Variants in USP34 observed in about 807,000 individuals in gnomAD.
The protein encoded by USP34 is ubiquitin specific peptidase 34, also known as ubiquitin carboxyl-terminal hydrolase 34.
Under a neutral mutation model 460.3 loss-of-function variants are expected in USP34, and 70 were observed. The observed-to-expected ratio is 0.15, with a 90% CI of 0.13 to 0.19. The LOEUF (loss-of-function observed/expected upper bound fraction) is 0.19, where lower values mean the gene tolerates loss of function less well. Ranked by LOEUF, USP34 falls within the 10% of genes least tolerant of loss-of-function variation. The probability of loss-of-function intolerance (pLI) is 1.00; values close to 1 mark genes in which losing one functional copy is unlikely to be tolerated. For synonymous variants in USP34, 1,647 were observed against 1,405.3 expected (o/e 1.17, Z -3.85); for missense variants, 3,985 against 4,236.2 (o/e 0.94, Z 1.65).
At chr2:61,220,974 TA>T (rs11314499) in intron 66 of USP34, among the ~76,000 whole-genome samples, 84,494 of 151,980 alleles carry the variant, frequency 0.56, 24,841 homozygotes, top group African/African-American at 0.76. Flanking sequence ...AACACACCCA[TA>T]ACCCACTCAT....
intron 2 of USP34, among the ~76,000 whole-genome samples, chr2:61,408,798 C>T (rs1004346148): frequency 2.0e-5 from 3 of 152,184 alleles, no homozygotes; most frequent in African/African-American, 4.8e-5. Context: ...GAGGCTGAGG[C>T]AGGAGAGTCA....
intron 1 of USP34, among the ~76,000 whole-genome samples, chr2:61,438,522 C>G (rs1262493690): frequency 6.6e-6 from 1 of 152,022 alleles, no homozygotes; most frequent in East Asian, 1.9e-4. Flanking sequence ...ACTGCTTGAA[C>G]CTGGGAGGCA....
intron 18 of USP34, among the ~76,000 whole-genome samples, chr2:61,335,334 AG>A (rs2103740726): frequency 6.6e-6 from 1 of 152,352 alleles, no homozygotes; most frequent in South Asian, 2.1e-4. Context: ...AAAGCATAAA[AG>A]GGAAGTGTTA....
At chr2:61,264,365 T>A (rs1490302239) in intron 43 of USP34, among the ~76,000 whole-genome samples, 1 of 152,164 alleles carries the variant, frequency 6.6e-6, no homozygotes, top group Admixed American at 6.5e-5. Flanking sequence ...CCAGGCTTGG[T>A]AGCTTTATAC....
chr2:61,447,279 A>AAAG (rs1295463184), intron 1 of USP34, among the ~76,000 whole-genome samples: 6 of 150,116 alleles, frequency 4.0e-5, no homozygotes, highest in Non-Finnish European at 7.4e-5. Context: ...AAAAAAAAAA[A>AAAG]AAACCAGAAA....
intron 8 of USP34, among the ~76,000 whole-genome samples, chr2:61,372,487 G>C (rs1692656931): frequency 6.6e-6 from 1 of 152,140 alleles, no homozygotes; most frequent in Non-Finnish European, 1.5e-5. Context: ...CTAGCACTTT[G>C]GGAGACTGAG....
At chr2:61,220,556 CTTTT>C (rs932652431) in intron 66 of USP34, 99 bp from the exon 67 acceptor site, 11 of 1,149,018 alleles carry the variant, frequency 9.6e-6, no homozygotes, top group Non-Finnish European at 1.3e-5. Context: ...AGCTAAAGTA[CTTTT>C]TTGACAATTA....
intron 1 of USP34, among the ~76,000 whole-genome samples, chr2:61,440,446 G>C (rs999884621): frequency 6.6e-6 from 1 of 152,076 alleles, no homozygotes; most frequent in Admixed American, 6.6e-5. Context: ...GAAGGAACTT[G>C]CTCTGCTGCA....
rs1215642220 is a variant in USP34 at position 61,470,949 on chromosome 2, G to C, written c.-257C>G. Among the ~76,000 whole-genome samples, 8 of 137,134 alleles carry C rather than the reference G, an allele frequency of 5.8e-5. No homozygotes were observed. The highest frequency in any genetic ancestry group is 1.1e-4 in the Non-Finnish European group (7 of 61,982). The allele number at this position is 137,134 out of a possible 152,430, so 90.0% of individuals were successfully genotyped here. A position where few individuals can be genotyped will look rare whatever the true frequency, so the allele number is the denominator to read the frequency against. ...GGAGGGGCGCCGAGGCGCCGGCGGC[G>C]GGGAAGGGGGGGAAGGACGGGGGGA... On this transcript the variant is annotated 5_prime_UTR_variant, in exon 1 of 80. Coordinates refer to ENST00000398571, the MANE Select transcript of USP34 (RefSeq NM_014709.4).
chr2:61,456,635 G>A (rs977097450), intron 1 of USP34, among the ~76,000 whole-genome samples: 3 of 151,372 alleles, frequency 2.0e-5, no homozygotes, highest in African/African-American at 7.3e-5. Context: ...TGGGAAACAT[G>A]GTGAAACCCC....
chr2:61,423,641 G>A (rs1370681341), intron 1 of USP34, among the ~76,000 whole-genome samples: 1 of 152,108 alleles, frequency 6.6e-6, no homozygotes, highest in Non-Finnish European at 1.5e-5. Context: ...TGAATTAAAA[G>A]CAATCACTAT....
chr2:61,388,254 A>G (rs2103884549), intron 5 of USP34, among the ~76,000 whole-genome samples: 1 of 152,190 alleles, frequency 6.6e-6, no homozygotes, highest in East Asian at 1.9e-4. Flanking sequence ...AAAAAATAAT[A>G]AAATCACAAT....
intron 18 of USP34, among the ~76,000 whole-genome samples, chr2:61,338,029 G>T (rs926851904): frequency 3.9e-5 from 6 of 152,128 alleles, no homozygotes; most frequent in African/African-American, 1.4e-4. Flanking sequence ...TATTTTCAAA[G>T]AATATATACC....
intron 29 of USP34, among the ~76,000 whole-genome samples, chr2:61,297,236 A>C (rs1690056781): frequency 6.6e-6 from 1 of 152,228 alleles, no homozygotes; most frequent in South Asian, 2.1e-4. Flanking sequence ...AACAAATTTC[A>C]ATATGACAAT....
At chr2:61,449,897 C>A (rs999085623) in intron 1 of USP34, among the ~76,000 whole-genome samples, 4 of 152,002 alleles carry the variant, frequency 2.6e-5, no homozygotes, top group African/African-American at 9.7e-5. Context: ...GAAACCCCGT[C>A]TCTACTAAAA....
intron 27 of USP34, among the ~76,000 whole-genome samples, chr2:61,305,629 AT>A (rs1690378780): frequency 6.6e-6 from 1 of 152,146 alleles, no homozygotes; most frequent in Non-Finnish European, 1.5e-5. Flanking sequence ...ATGAAGCACT[AT>A]ATAATTGCTA....
intron 18 of USP34, among the ~76,000 whole-genome samples, chr2:61,336,363 T>A (rs144733034): frequency 6.6e-6 from 1 of 151,944 alleles, no homozygotes; most frequent in Non-Finnish European, 1.5e-5. Context: ...CTGGGCTCAA[T>A]AGATGCCCCA....
At chr2:61,211,738 A>G (rs1438266447) in intron 69 of USP34, 34 bp downstream of exon 69, 1 of 1,528,894 alleles carries the variant, frequency 6.5e-7, no homozygotes, top group African/African-American at 1.4e-5. Flanking sequence ...TCTCACTGGA[A>G]ATAAACAAGA....
chr2:61,239,661 A>C (rs1053449896), intron 53 of USP34, among the ~76,000 whole-genome samples: 1 of 152,208 alleles, frequency 6.6e-6, no homozygotes, highest in Non-Finnish European at 1.5e-5. Context: ...AATCCAATTC[A>C]TGGAATTGAA....
Sources: gnomAD v4.1 joint callset for allele counts (sites outside exome capture counted in the v4.1 genomes callset) on GRCh38, gnomAD v4.1.1 for gene constraint, MANE v1.5 for transcripts, NCBI Gene and HGNC (gene_info 2026-07-23, HGNC 2026-07-21) for gene names.